The following CSMD1 variants were observed in gnomAD, a reference collection of about 807,000 sequenced individuals.
CSMD1 encodes CUB and Sushi multiple domains 1.
A neutral mutation model predicts 417.5 loss-of-function variants in CSMD1; 213 were observed. The observed-to-expected ratio is 0.51, with a 90% CI of 0.46 to 0.57. The LOEUF (loss-of-function observed/expected upper bound fraction) is 0.57, where lower values mean the gene tolerates loss of function less well. Ranked by LOEUF, CSMD1 falls within the 20% of genes least tolerant of loss-of-function variation. CSMD1 has a pLI of 0.00. For synonymous variants in CSMD1, 2,862 were observed against 1,736.8 expected, an observed-to-expected ratio of 1.65 and a Z score of -16.11; for missense variants, 6,923 against 4,529.7, an observed-to-expected ratio of 1.53 and a Z score of -15.17.
At chr8:4,317,188 G>A (rs559594091) in intron 3 of CSMD1, among the ~76,000 whole-genome samples, 2 of 152,136 alleles carry the variant, frequency 1.3e-5, no homozygotes, top group East Asian at 1.9e-4. Context: ...TTATAAAGCA[G>A]CTCAATGGGT....
chr8:3,975,632 G>C (rs574291200), intron 5 of CSMD1, among the ~76,000 whole-genome samples: 4 of 152,154 alleles, frequency 2.6e-5, no homozygotes, highest in Non-Finnish European at 5.9e-5. Context: ...TAAAGTGCCT[G>C]TAGGTGCCCA....
At chr8:4,238,317 C>T (rs964075670) in intron 3 of CSMD1, among the ~76,000 whole-genome samples, 7 of 152,316 alleles carry the variant, frequency 4.6e-5, no homozygotes, top group African/African-American at 1.7e-4. Flanking sequence ...CTTGGTCCTC[C>T]TCAGCATGTG....
chr8:3,835,112 T>C (rs1209239299), intron 5 of CSMD1, among the ~76,000 whole-genome samples: 1 of 148,532 alleles, frequency 6.7e-6, no homozygotes, highest in East Asian at 2.0e-4. Flanking sequence ...ACTTTTACAC[T>C]GTTGGTGGGA....
intron 3 of CSMD1, among the ~76,000 whole-genome samples, chr8:4,248,238 C>G (rs1213032919): frequency 6.6e-6 from 1 of 152,114 alleles, no homozygotes; most frequent in Non-Finnish European, 1.5e-5. Flanking sequence ...GTTGGCAGGA[C>G]TAGTCCAGGA....
intron 10 of CSMD1, among the ~76,000 whole-genome samples, chr8:3,539,097 C>A (rs1210417284): frequency 1.3e-5 from 2 of 152,314 alleles, no homozygotes; most frequent in African/African-American, 4.8e-5. Context: ...TTGCCCCAGT[C>A]CCTTTCCCTG....
At chr8:4,026,681 T>C (rs1006989726) in intron 4 of CSMD1, among the ~76,000 whole-genome samples, 7 of 152,226 alleles carry the variant, frequency 4.6e-5, no homozygotes, top group Admixed American at 2.0e-4. Flanking sequence ...AAATATAAAA[T>C]AGCAATCAGA....
intron 5 of CSMD1, among the ~76,000 whole-genome samples, chr8:3,793,934 C>T (rs887328819): frequency 6.6e-6 from 1 of 152,116 alleles, no homozygotes; most frequent in Non-Finnish European, 1.5e-5. Context: ...TGATACTCTC[C>T]CCCAGAGCTG....
intron 12 of CSMD1, among the ~76,000 whole-genome samples, chr8:3,461,734 C>T (rs1350512352): frequency 3.3e-5 from 5 of 152,206 alleles, no homozygotes; most frequent in Admixed American, 6.5e-5. Context: ...AAAGCTGGGG[C>T]CATTGTCCCC....
At chr8:3,032,684 C>T (rs115376763) in intron 50 of CSMD1, among the ~76,000 whole-genome samples, 376 of 152,128 alleles carry the variant, frequency 2.5e-3, no homozygotes, top group African/African-American at 8.9e-3. Context: ...TGTCTTCCTG[C>T]AGTCCCTGTC....
intron 62 of CSMD1, 83 bp downstream of exon 62, chr8:2,961,057 AT>A (rs1366100321): frequency 4.8e-6 from 4 of 841,946 alleles, no homozygotes; most frequent in Non-Finnish European, 7.0e-6. Context: ...AAGGTATGAT[AT>A]AAAAAAGCAC....
intron 1 of CSMD1, among the ~76,000 whole-genome samples, chr8:4,979,764 G>A (rs1000290512): frequency 9.9e-5 from 15 of 152,178 alleles, no homozygotes; most frequent in South Asian, 4.1e-4. Flanking sequence ...TTGGCCACGC[G>A]TGGTGGCTCA....
intron 33 of CSMD1, among the ~76,000 whole-genome samples, chr8:3,197,585 C>A (rs955020651): frequency 1.8e-4 from 28 of 151,794 alleles, no homozygotes; most frequent in African/African-American, 6.8e-4. Flanking sequence ...CCTGCCTCAG[C>A]CTCCCGAGTA....
Position 4,144,570 on chromosome 8 carries a change from G to C in CSMD1, c.416-112471C>G, listed in dbSNP as rs1022237262. Among the ~76,000 whole-genome samples the C allele has an allele frequency of 2.7e-5, 4 of 150,876 alleles. 1 individual carries two copies. The highest frequency in any genetic ancestry group is 9.9e-5 in the African/African-American group (4 of 40,298). On this transcript the variant is annotated intron_variant, in intron 3 of 69. Transcript: ENST00000635120. ...GTTAGAGTCTCCTAATTGTTATCTG[G>C]ATTGCTCAGCTACTGTTAAGTCATA...
At chr8:3,119,526 A>T (rs535250864) in intron 41 of CSMD1, among the ~76,000 whole-genome samples, 6 of 152,250 alleles carry the variant, frequency 3.9e-5, no homozygotes, top group African/African-American at 1.4e-4. Context: ...AGGTAAGACA[A>T]GAGATAATAA....
intron 2 of CSMD1, 94 bp from the exon 3 acceptor site, chr8:4,420,159 G>C: frequency 1.3e-6 from 1 of 759,548 alleles, no homozygotes; most frequent in South Asian, 1.6e-5. Flanking sequence ...TTGAACAGTG[G>C]TATATTCACT....
At chr8:3,990,357 G>T (rs986950342) in intron 5 of CSMD1, among the ~76,000 whole-genome samples, 3 of 152,130 alleles carry the variant, frequency 2.0e-5, no homozygotes, top group African/African-American at 7.2e-5. Context: ...TATTACACCA[G>T]AACTGTAGAG....
intron 46 of CSMD1, among the ~76,000 whole-genome samples, chr8:3,097,986 A>G (rs1815445519): frequency 6.6e-6 from 1 of 152,164 alleles, no homozygotes; most frequent in Admixed American, 6.5e-5. Context: ...TTATTATTCA[A>G]CTACTTCCAG....
chr8:3,358,763 C>T (rs9774400), intron 21 of CSMD1, among the ~76,000 whole-genome samples: 40,798 of 151,954 alleles, frequency 0.27, 5,687 homozygotes, highest in African/African-American at 0.34. Context: ...CCAAGGGACA[C>T]GTGCTGCTTT....
intron 42 of CSMD1, among the ~76,000 whole-genome samples, chr8:3,114,701 G>A (rs1816748835): frequency 6.6e-6 from 1 of 152,000 alleles, no homozygotes; most frequent in Admixed American, 6.6e-5. Context: ...AGACAGAGTT[G>A]CATTCTTTAT....
Sources: gnomAD v4.1 joint callset for allele counts (sites outside exome capture counted in the v4.1 genomes callset) on GRCh38, gnomAD v4.1.1 for gene constraint, MANE v1.5 for transcripts, NCBI Gene and HGNC (gene_info 2026-07-23, HGNC 2026-07-21) for gene names.